Variants in SNW1 observed in about 807,000 individuals in gnomAD.
SNW1 encodes the protein SNW domain-containing protein 1.
In SNW1, 9 loss-of-function variants were observed where a neutral mutation model predicts 75.6. The ratio of observed to expected loss-of-function variants is 0.12; its 90% CI spans 0.07 to 0.21. The LOEUF (loss-of-function observed/expected upper bound fraction) is 0.21, where lower values mean the gene tolerates loss of function less well. SNW1 is among the 10% of genes least tolerant of loss of function. The pLI is 1.00. For synonymous variants in SNW1, 200 were observed against 219.1 expected, an observed-to-expected ratio of 0.91 and a Z score of 0.77; for missense variants, 409 against 670.9, an observed-to-expected ratio of 0.61 and a Z score of 4.31.
chr14:77,720,602 T>G, intron 12 of SNW1, 109 bp downstream of exon 12: 1 of 816,170 alleles, frequency 1.2e-6, no homozygotes, highest in Non-Finnish European at 2.2e-6. Flanking sequence ...TCCAATTTTT[T>G]TGTCATCATG....
chr14:77,726,778 C>T (rs1314469276), intron 10 of SNW1, among the ~76,000 whole-genome samples: 2 of 151,760 alleles, frequency 1.3e-5, no homozygotes, highest in Non-Finnish European at 2.9e-5. Context: ...CATGCCACTG[C>T]ACTCCAGCCT....
At chr14:77,739,171 C>A in intron 3 of SNW1, 110 bp from the exon 4 acceptor site, 1 of 752,628 alleles carries the variant, frequency 1.3e-6, no homozygotes, top group East Asian at 2.5e-5. Context: ...AAATTTAGGA[C>A]ACTCAGATTT....
Position 77,723,382 on chromosome 14 carries a change from C to A in SNW1, c.1034-105G>T, listed in dbSNP as rs1186080774. ...TTTTTTAAAAAGAGACAGCATCTCA[C>A]TCTGTCACCCAGGCTGGAGTGTAGT... On this transcript the variant is annotated intron_variant, in intron 10 of 13. Coordinates refer to ENST00000261531, the MANE Select transcript of SNW1 (RefSeq NM_012245.3). The A allele has an allele frequency of 2.7e-5, 22 of 814,058 alleles. No individual in the cohort carries two copies. In the Admixed American group the frequency reaches 3.7e-4, roughly 14 times the overall value. The allele number at this position is 814,058 out of a possible 1,614,324, so 50.4% of individuals were successfully genotyped here.
At chr14:77,738,574 T>C (rs986942669) in intron 5 of SNW1, among the ~76,000 whole-genome samples, 1 of 152,218 alleles carries the variant, frequency 6.6e-6, no homozygotes, top group African/African-American at 2.4e-5. Flanking sequence ...AGAAACTTTA[T>C]CTCAGAAAAC....
chr14:77,721,537 G>A (rs1200232200), intron 11 of SNW1, among the ~76,000 whole-genome samples: 2 of 152,112 alleles, frequency 1.3e-5, no homozygotes, highest in Non-Finnish European at 2.9e-5. Context: ...TATCCACAGA[G>A]CCATTGTAAC....
chr14:77,720,808 T>G lies in SNW1; in HGVS notation c.1151A>C (p.Glu384Ala), dbSNP rs1322886932. ...AATAACTTCACTGATATCCCGATTTTCATTTCTCTGAAGTTTCGACCTATT... is the reference window on the plus strand; with the variant it reads ...AATAACTTCACTGATATCCCGATTTGCATTTCTCTGAAGTTTCGACCTATT... Reference protein sequence around the residue: ...PDKRSKLQRNENRDISEVIAL... With the variant: ...PDKRSKLQRNANRDISEVIAL... Residue 384 changes from glutamate to alanine, a missense_variant, in exon 12 of 14, where the codon GAA becomes GCA. Glu to Ala is a moderately radical substitution (Grantham distance 107). Around this residue, in one of 9 missense-constraint regions of SNW1, gnomAD observed 126 missense variants for 167.6 expected, o/e 0.75. Coordinates refer to ENST00000261531, the MANE Select transcript of SNW1 (RefSeq NM_012245.3). 2.5e-6 allele frequency: 4 copies of G among 1,613,266 alleles called. No homozygotes were observed. Among genetic ancestry groups the G allele is most frequent in the Non-Finnish European group, 3.4e-6 (4 of 1,179,542 alleles).
chr14:77,726,814 CA>C (rs575078820), intron 10 of SNW1, among the ~76,000 whole-genome samples: 29 of 131,870 alleles, frequency 2.2e-4, no homozygotes, highest in South Asian at 1.2e-3. Context: ...GACTCCGTCT[CA>C]AAAAAAAAAA....
intron 1 of SNW1, among the ~76,000 whole-genome samples, chr14:77,756,453 C>T (rs1271657755): frequency 6.6e-6 from 1 of 152,156 alleles, no homozygotes; most frequent in African/African-American, 2.4e-5. Flanking sequence ...ACATTTTTAC[C>T]ATTATGCTCC....
chr14:77,749,677 T>C (rs1314835699), intron 3 of SNW1, among the ~76,000 whole-genome samples: 2 of 152,136 alleles, frequency 1.3e-5, no homozygotes, highest in African/African-American at 2.4e-5. Context: ...TGACATACGA[T>C]GATCGCCTGA....
At chr14:77,745,880 C>T (rs942389101) in intron 3 of SNW1, among the ~76,000 whole-genome samples, 4 of 151,690 alleles carry the variant, frequency 2.6e-5, no homozygotes, top group Non-Finnish European at 4.4e-5. Context: ...AAAAATTAGC[C>T]GGGCATGGTG....
Position 77,738,986 on chromosome 14 carries a change from C to T in SNW1, c.406G>A (p.Asp136Asn), listed in dbSNP as rs374511005. The change falls in exon 4 of 14, where the codon GAT (aspartate) becomes AAT (asparagine). Residue 136 changes from aspartate (D) to asparagine (N), a missense_variant. Asp to Asn is a conservative substitution (Grantham distance 23, BLOSUM62 1). Transcript: ENST00000261531. ...NADDPDLQRPDEEAIKEITEK... is the reference protein window; with the variant it reads ...NADDPDLQRPNEEAIKEITEK... ...GTTACCTCTTTAATAGCTTCTTCAT[C>T]GGGCCTTTGCAGGTCTGGATCATCT... 24 of 1,613,920 alleles carry T rather than the reference C, an allele frequency of 1.5e-5. No homozygotes were observed. Among genetic ancestry groups the T allele is most frequent in the African/African-American group, 2.7e-5 (2 of 74,920 alleles).
chr14:77,722,928 T>C (rs2080554501), intron 11 of SNW1: 1 of 407,484 alleles, frequency 2.5e-6, no homozygotes, highest in Non-Finnish European at 4.6e-6. Flanking sequence ...CACTGCAAGC[T>C]CCACCTCCCG....
At chr14:77,718,729 T>C (rs1269510008) in intron 12 of SNW1, among the ~76,000 whole-genome samples, 199 bp from the exon 13 acceptor site, 9 of 151,740 alleles carry the variant, frequency 5.9e-5, no homozygotes, top group Admixed American at 3.9e-4. Flanking sequence ...TTTTTTTTTT[T>C]CAGACAGAGT....
chr14:77,741,452 G>C (rs2080718338), intron 3 of SNW1, among the ~76,000 whole-genome samples: 1 of 152,112 alleles, frequency 6.6e-6, no homozygotes, highest in Non-Finnish European at 1.5e-5. Flanking sequence ...CTATCTCATG[G>C]CTATACACTA....
rs560981859 is a variant in SNW1, at chr14:77,756,133, T to G, written c.15-1013A>C. 2.6e-5 allele frequency among the ~76,000 whole-genome samples: 4 copies of G among 152,272 alleles called. No homozygotes were observed. In the South Asian group the frequency reaches 8.3e-4, roughly 32 times the overall value. On this transcript the variant is annotated intron_variant, in intron 1 of 13. Coordinates refer to ENST00000261531, the MANE Select transcript of SNW1 (RefSeq NM_012245.3). ...ACTTGCTATTCTTATACTCCTTTTTTTTTTTGAGACAGAGTCTCGTTCTGT... is the reference window on the plus strand; with the variant it reads ...ACTTGCTATTCTTATACTCCTTTTTGTTTTTGAGACAGAGTCTCGTTCTGT...
intron 3 of SNW1, among the ~76,000 whole-genome samples, chr14:77,743,671 C>A (rs1449021903): frequency 6.6e-6 from 1 of 152,154 alleles, no homozygotes; most frequent in Non-Finnish European, 1.5e-5. Context: ...GATTGTCAAA[C>A]AGGGCATCAC....
chr14:77,720,957 T>C, intron 11 of SNW1, 129 bp from the exon 12 acceptor site: 2 of 683,004 alleles, frequency 2.9e-6, no homozygotes, highest in Non-Finnish European at 5.2e-6. Flanking sequence ...TGAACATATA[T>C]TCCTTGATGA....
intron 3 of SNW1, among the ~76,000 whole-genome samples, chr14:77,742,435 A>C (rs1383655814): frequency 6.6e-6 from 1 of 152,134 alleles, no homozygotes; most frequent in African/African-American, 2.4e-5. Flanking sequence ...AATACAATAT[A>C]CTCTTGAAAG....
At chr14:77,719,642 G>C (rs1211516059) in intron 12 of SNW1, among the ~76,000 whole-genome samples, 1 of 70,804 alleles carries the variant, frequency 1.4e-5, no homozygotes, top group East Asian at 3.3e-4. Context: ...CTCCATATCA[G>C]AAAACAAAAA....
Sources: gnomAD v4.1 joint callset for allele counts (sites outside exome capture counted in the v4.1 genomes callset) on GRCh38, gnomAD v4.1.1 for gene constraint, gnomAD v4.1.1 regional missense constraint, MANE v1.5 for transcripts, NCBI Gene and HGNC (gene_info 2026-07-23, HGNC 2026-07-21) for gene names.